The following HOMER2 variants were observed in gnomAD, a reference collection of about 807,000 sequenced individuals.
The protein encoded by HOMER2 is homer scaffold protein 2.
In HOMER2, 27 loss-of-function variants were observed where a neutral mutation model predicts 47.0. The ratio of observed to expected loss-of-function variants is 0.57; its 90% CI spans 0.42 to 0.79. HOMER2 has a LOEUF of 0.79. HOMER2 is among the 30% of genes least tolerant of loss of function. HOMER2 has a pLI of 0.00. For missense variants in HOMER2, 443 were observed against 435.0 expected, an observed-to-expected ratio of 1.02 and a Z score of -0.16; for synonymous variants, 161 against 163.8, an observed-to-expected ratio of 0.98 and a Z score of 0.13.
chr15:82,983,605 T>C (rs1194000802), intron 1 of HOMER2, among the ~76,000 whole-genome samples: 2 of 152,118 alleles, frequency 1.3e-5, no homozygotes, highest in Non-Finnish European at 1.5e-5. Flanking sequence ...TCTTTTTTTT[T>C]TTAGATGGAG....
At chr15:82,882,133 T>A (rs771434835) in intron 2 of HOMER2, among the ~76,000 whole-genome samples, 2 of 152,234 alleles carry the variant, frequency 1.3e-5, no homozygotes, top group African/African-American at 4.8e-5. Context: ...TTTATAGCAG[T>A]GCTCTGAGAA....
intron 1 of HOMER2, among the ~76,000 whole-genome samples, chr15:82,914,302 C>T (rs2053526769): frequency 6.7e-6 from 1 of 149,456 alleles, no homozygotes; most frequent in African/African-American, 2.5e-5. Flanking sequence ...AGCGTGAACC[C>T]GGGAGGCAGA....
intron 1 of HOMER2, among the ~76,000 whole-genome samples, chr15:82,984,704 C>T (rs929691955): frequency 3.3e-5 from 5 of 152,212 alleles, no homozygotes; most frequent in Non-Finnish European, 7.4e-5. Flanking sequence ...GTAGTCCCAG[C>T]TCTCCGGAGG....
intron 5 of HOMER2, among the ~76,000 whole-genome samples, chr15:82,856,889 G>A (rs138731495): frequency 6.6e-6 from 1 of 152,316 alleles, no homozygotes; most frequent in Non-Finnish European, 1.5e-5. Flanking sequence ...GAGACTGTGA[G>A]TGCAGCCTTG....
intron 1 of HOMER2, among the ~76,000 whole-genome samples, chr15:82,914,689 A>G (rs1450943548): frequency 2.0e-5 from 3 of 152,242 alleles, no homozygotes; most frequent in Non-Finnish European, 4.4e-5. Flanking sequence ...CTGTACACTT[A>G]CAAATGATTT....
chr15:82,854,670 C>G lies in HOMER2; in HGVS notation c.625G>C (p.Asp209His). The G allele has an allele frequency of 6.2e-7, 1 of 1,613,018 alleles. No homozygotes were observed. The highest frequency in any genetic ancestry group is 1.1e-5 in the South Asian group (1 of 91,038). Residue 209 changes from aspartate to histidine, a missense_variant, in exon 6 of 9, where the codon GAT (aspartate) becomes CAT (histidine). Transcript: ENST00000450735. ...QWKRQFSICR[D>H]ENDRLRNKID... is the part of the protein sequence containing the mutation. ...TTGTTGCGGAGCCGGTCATTCTCAT[C>G]ACGGCAGATGGAGAACTGCCTCTTC... is the stretch of plus-strand genomic sequence containing the variant.
intron 1 of HOMER2, among the ~76,000 whole-genome samples, chr15:82,931,490 T>G (rs2054009265): frequency 1.3e-5 from 2 of 150,932 alleles, no homozygotes; most frequent in East Asian, 3.9e-4. Flanking sequence ...GGGATTCCAA[T>G]TCCAGTTTTT....
intron 1 of HOMER2, among the ~76,000 whole-genome samples, chr15:82,973,453 C>T (rs1283937387): frequency 1.3e-5 from 2 of 152,172 alleles, no homozygotes; most frequent in African/African-American, 4.8e-5. Context: ...AAATATAAAG[C>T]TCTGCCCAGT....
chr15:82,856,528 G>A (rs1370500598), intron 5 of HOMER2, among the ~76,000 whole-genome samples: 2 of 152,042 alleles, frequency 1.3e-5, no homozygotes, highest in Non-Finnish European at 2.9e-5. Context: ...CTGAGGCGGG[G>A]GGATCAGTCG....
chr15:82,949,211 C>G (rs1444561537), intron 1 of HOMER2, among the ~76,000 whole-genome samples: 1 of 152,126 alleles, frequency 6.6e-6, no homozygotes, highest in Admixed American at 6.5e-5. Flanking sequence ...CAAGAAAGAT[C>G]TGAGCTAGAA....
At chr15:82,933,385 C>G (rs1217999279) in intron 1 of HOMER2, among the ~76,000 whole-genome samples, 1 of 152,028 alleles carries the variant, frequency 6.6e-6, no homozygotes, top group Non-Finnish European at 1.5e-5. Context: ...TGCCACCACA[C>G]CCAGCTAATA....
chr15:82,980,406 C>T (rs936088336), intron 1 of HOMER2, among the ~76,000 whole-genome samples: 5 of 152,168 alleles, frequency 3.3e-5, no homozygotes, highest in Admixed American at 3.3e-4. Context: ...AATGTTTACC[C>T]TGACCTGCCT....
At chr15:82,891,230 C>T (rs965558010) in intron 2 of HOMER2, among the ~76,000 whole-genome samples, 2 of 152,152 alleles carry the variant, frequency 1.3e-5, no homozygotes, top group African/African-American at 4.8e-5. Flanking sequence ...GTGCAAATAA[C>T]TGGGCACCCG....
downstream of HOMER2, chr15:82,846,179 C>G (rs1048913568): frequency 1.3e-5 from 2 of 152,384 alleles, no homozygotes; most frequent in Non-Finnish European, 2.9e-5. Flanking sequence ...AACTCTGTTT[C>G]CATTCCTGCG....
intron 1 of HOMER2, among the ~76,000 whole-genome samples, chr15:82,964,087 G>A (rs2054652892): frequency 1.3e-5 from 2 of 152,128 alleles, no homozygotes; most frequent in Admixed American, 6.5e-5. Context: ...GATCCAGCTG[G>A]GTCATTTTAT....
upstream of HOMER2, among the ~76,000 whole-genome samples, chr15:82,953,304 T>C (rs950221770): frequency 6.6e-6 from 1 of 151,994 alleles, no homozygotes; most frequent in African/African-American, 2.4e-5. Flanking sequence ...CTTTCCTGGA[T>C]AAAAATGAGA....
chr15:82,837,505 A>G (rs1003325505), exon 2 of HOMER2: 7 of 152,184 alleles, frequency 4.6e-5, no homozygotes, highest in Admixed American at 4.6e-4. Flanking sequence ...GCTACTACAC[A>G]AAAGTCAGAG....
intron 1 of HOMER2, among the ~76,000 whole-genome samples, chr15:82,915,132 T>A (rs1165819108): frequency 6.7e-6 from 1 of 150,050 alleles, no homozygotes; most frequent in Non-Finnish European, 1.5e-5. Context: ...TTTTTTCAAT[T>A]TTTTTTAATT....
Position 82,913,691 on chromosome 15 carries a change from T to C in HOMER2, c.6-20850A>G, listed in dbSNP as rs760644958. ...GCCTTAGGAAATGTTCTTGCTGCAG[T>C]CCCTCCATCCTGGACCCTTCCTCCA... is the stretch of plus-strand genomic sequence containing the variant. On this transcript the variant is annotated intron_variant, in intron 1 of 8. Transcript: ENST00000450735. The surrounding 1 kb of genome is among the most constrained non-coding windows in gnomAD (Gnocchi z 4.1). Among the ~76,000 whole-genome samples the C allele has an allele frequency of 1.3e-5, 2 of 152,126 alleles. No individual in the cohort carries two copies. Among genetic ancestry groups the C allele is most frequent in the Non-Finnish European group, 1.5e-5 (1 of 68,008 alleles).
Sources: gnomAD v4.1 joint callset for allele counts (sites outside exome capture counted in the v4.1 genomes callset) on GRCh38, gnomAD v4.1.1 for gene constraint, Gnocchi (gnomAD v3.1) non-coding constraint, MANE v1.5 for transcripts, NCBI Gene and HGNC (gene_info 2026-07-23, HGNC 2026-07-21) for gene names.